Variants in ADGRF5 observed in about 807,000 individuals in gnomAD.
ADGRF5 encodes the protein adhesion G protein-coupled receptor F5.
Under a neutral mutation model 132.3 loss-of-function variants are expected in ADGRF5, and 75 were observed. The observed-to-expected ratio is 0.57, with a 90% CI of 0.47 to 0.69. ADGRF5 has a LOEUF of 0.69. Ranked by LOEUF, ADGRF5 falls within the 30% of genes least tolerant of loss-of-function variation. The pLI is 0.00. For synonymous variants in ADGRF5, 629 were observed against 597.6 expected (o/e 1.05, Z -0.77); for missense variants, 1,516 against 1,630.6 (o/e 0.93, Z 1.21).
intron 1 of ADGRF5, among the ~76,000 whole-genome samples, chr6:46,939,038 T>C (rs1777956764): frequency 6.6e-6 from 1 of 152,072 alleles, no homozygotes; most frequent in Non-Finnish European, 1.5e-5. Context: ...ACTCAGCTAA[T>C]TTTTGTATTT....
chr6:46,901,773 G>A (rs1388229397), intron 2 of ADGRF5, among the ~76,000 whole-genome samples: 6 of 151,956 alleles, frequency 3.9e-5, no homozygotes, highest in Admixed American at 6.6e-5. Context: ...ACCCAGAGCC[G>A]TTTCTCTCGG....
chr6:46,888,718 G>A (rs1773312401), intron 3 of ADGRF5, among the ~76,000 whole-genome samples: 1 of 152,188 alleles, frequency 6.6e-6, no homozygotes, highest in Admixed American at 6.5e-5. Context: ...TGTGAAGTAT[G>A]GAATGTAACG....
intron 4 of ADGRF5, chr6:46,886,453 T>C (rs1034973828): frequency 1.3e-5 from 2 of 152,230 alleles, no homozygotes; most frequent in Admixed American, 1.3e-4. Flanking sequence ...TATTGTCTTC[T>C]GTTTTGTAAG....
chr6:46,939,605 C>T (rs1431244618), intron 1 of ADGRF5, among the ~76,000 whole-genome samples: 1 of 152,102 alleles, frequency 6.6e-6, no homozygotes, highest in Non-Finnish European at 1.5e-5. Context: ...TTTTTAGTAG[C>T]TTCCTTTTGA....
At position 46,881,495 on chromosome 6, in the gene ADGRF5, G is replaced by C. The variant is rs552920096; in HGVS notation, c.774C>G (p.Thr258=). The C allele has an allele frequency of 6.2e-7, 1 of 1,613,308 alleles. No individual in the cohort carries two copies. The highest frequency in any genetic ancestry group is 1.3e-5 in the African/African-American group (1 of 75,016). Residue 258 remains threonine (T), a synonymous_variant, in exon 8 of 21, where the codon ACC becomes ACG. Transcript: ENST00000283296. ...GAAAGGAGTTGTAGTCCATTTTGTA[G>C]GTCTGATTGAGGCTCTGTACAACTT... ...NEQVVQSLNQ[T]YKMDYNSFQA... is the part of the protein sequence containing the mutation.
intron 1 of ADGRF5, among the ~76,000 whole-genome samples, chr6:46,953,669 A>C (rs1422917146): frequency 2.7e-4 from 35 of 131,808 alleles, no homozygotes; most frequent in South Asian, 1.4e-3. Flanking sequence ...ATATATATAT[A>C]TATATATATA....
chr6:46,869,315 A>G lies in ADGRF5; in HGVS notation c.1412-223T>C, dbSNP rs544208115. 1.4e-6 allele frequency: 2 copies of G among 1,400,496 alleles called. 1 individual carries two copies. The highest frequency in any genetic ancestry group is 1.9e-6 in the Non-Finnish European group (2 of 1,079,890). 86.8% of individuals were successfully genotyped at this position (1,400,496 alleles called of 1,614,324 possible). A position where few individuals can be genotyped will look rare whatever the true frequency, so the allele number is the denominator to read the frequency against. On this transcript the variant is annotated intron_variant, in intron 11 of 20. Coordinates refer to ENST00000283296, the MANE Select transcript of ADGRF5 (RefSeq NM_001098518.2). ...GGTGCTCTGCACTGTACTCATTTCC[A>G]TCACATGCCTTAGGACCTCGTGCAC...
intron 1 of ADGRF5, among the ~76,000 whole-genome samples, chr6:46,928,410 T>A (rs1393981251): frequency 1.3e-5 from 2 of 152,154 alleles, no homozygotes; most frequent in Non-Finnish European, 2.9e-5. Flanking sequence ...AAAGTCATAT[T>A]TACAACCAGA....
intron 1 of ADGRF5, among the ~76,000 whole-genome samples, chr6:46,944,493 A>G (rs1243730425): frequency 6.6e-6 from 1 of 151,952 alleles, no homozygotes. Flanking sequence ...TCCTGCTCCT[A>G]CCCCCATCTT....
Position 46,888,739 on chromosome 6 carries a change from G to A in ADGRF5, c.158-234C>T, listed in dbSNP as rs375323183. ...GTATGGAATGTAACGAGGCAAGAGCGGAAGCAGAGAGAATAGCAGGGAGGG... is the reference window on the plus strand; with the variant it reads ...GTATGGAATGTAACGAGGCAAGAGCAGAAGCAGAGAGAATAGCAGGGAGGG... On this transcript the variant is annotated intron_variant, in intron 3 of 20. Transcript: ENST00000283296. 8.2e-4 allele frequency among the ~76,000 whole-genome samples: 125 copies of A among 152,280 alleles called. 3 individuals carry two copies. In the South Asian group the frequency reaches 0.02, roughly 25 times the overall value.
chr6:46,859,500 G>C lies in ADGRF5; in HGVS notation c.2403C>G (p.Val801=). ...TGTTCAAGACGGGCTTGCCAAGGAT[G>C]ACATTAACCGTAGAGAGCACGTGCT... is the stretch of plus-strand genomic sequence containing the variant. ...MMTHVLSTVN[V]ILGKPVLNTW... Residue 801 remains valine, a synonymous_variant, in exon 17 of 21, where the codon GTC becomes GTG. Coordinates refer to ENST00000283296, the MANE Select transcript of ADGRF5 (RefSeq NM_001098518.2). 1 of 1,611,830 alleles carries C rather than the reference G, an allele frequency of 6.2e-7. No homozygotes were observed. The highest frequency in any genetic ancestry group is 1.1e-5 in the South Asian group (1 of 90,764).
intron 13 of ADGRF5, among the ~76,000 whole-genome samples, 165 bp downstream of exon 13, chr6:46,866,759 TA>T (rs1421249453): frequency 6.6e-6 from 1 of 152,150 alleles, no homozygotes; most frequent in Non-Finnish European, 1.5e-5. Context: ...AATGAACCAC[TA>T]GCCACATAGC....
chr6:46,932,884 A>C (rs1173609249), intron 1 of ADGRF5, among the ~76,000 whole-genome samples: 1 of 152,204 alleles, frequency 6.6e-6, no homozygotes, highest in African/African-American at 2.4e-5. Flanking sequence ...AGAATACATA[A>C]TATGTCATGC....
rs1488320403 is a variant in ADGRF5, at chr6:46,865,023, T to C, written c.1990+19A>G. 12 of 1,547,356 alleles carry C rather than the reference T, an allele frequency of 7.8e-6. No homozygotes were observed. Among genetic ancestry groups the C allele is most frequent in the Non-Finnish European group, 1.1e-5 (12 of 1,130,012 alleles). On this transcript the variant is annotated intron_variant, in intron 14 of 20. Transcript: ENST00000283296. ...CTGCCCTGACTATAACATCTTAAAG[T>C]AATTTAAAACGTTCTTACCAGGAAC...
intron 2 of ADGRF5, among the ~76,000 whole-genome samples, chr6:46,905,050 C>T (rs1158197553): frequency 6.6e-6 from 1 of 152,012 alleles, no homozygotes; most frequent in Non-Finnish European, 1.5e-5. Flanking sequence ...TTGCCAGGGC[C>T]ATCACTAGGA....
intron 1 of ADGRF5, among the ~76,000 whole-genome samples, chr6:46,939,580 T>A (rs554681977): frequency 1.3e-5 from 2 of 152,366 alleles, no homozygotes; most frequent in African/African-American, 4.8e-5. Flanking sequence ...ATACAATCAC[T>A]GTTAATTTCA....
chr6:46,867,179 C>T (rs755016470), intron 12 of ADGRF5, 42 bp from the exon 13 acceptor site: 20 of 1,164,026 alleles, frequency 1.7e-5, no homozygotes, highest in Middle Eastern at 1.9e-4. Flanking sequence ...TGGAAATAAT[C>T]GCCCTTCAAA....
At chr6:46,916,709 A>G (rs112302191) in intron 1 of ADGRF5, among the ~76,000 whole-genome samples, 63 of 152,340 alleles carry the variant, frequency 4.1e-4, no homozygotes, top group Middle Eastern at 3.4e-3. Context: ...AATTGTGGCT[A>G]GATCATATTT....
intron 1 of ADGRF5, among the ~76,000 whole-genome samples, chr6:46,936,286 A>C (rs1018400746): frequency 6.6e-6 from 1 of 152,144 alleles, no homozygotes; most frequent in Non-Finnish European, 1.5e-5. Flanking sequence ...CCGTGCCTGT[A>C]TCACCTGTAG....
Sources: gnomAD v4.1 joint callset for allele counts (sites outside exome capture counted in the v4.1 genomes callset) on GRCh38, gnomAD v4.1.1 for gene constraint, MANE v1.5 for transcripts, NCBI Gene and HGNC (gene_info 2026-07-23, HGNC 2026-07-21) for gene names.